Variants in MYEF2 observed in about 807,000 individuals in gnomAD.
The protein encoded by MYEF2 is myelin expression factor 2.
A neutral mutation model predicts 75.2 loss-of-function variants in MYEF2; 37 were observed. The ratio of observed to expected loss-of-function variants is 0.49; its 90% CI spans 0.38 to 0.65. The LOEUF (loss-of-function observed/expected upper bound fraction) is 0.65, where lower values mean the gene tolerates loss of function less well. Among genes scored for constraint, MYEF2 ranks in the 30% least tolerant of loss-of-function variants. The pLI, the probability that MYEF2 is intolerant of heterozygous loss-of-function variation, is 0.00. For missense variants in MYEF2, 634 were observed against 771.4 expected, an observed-to-expected ratio of 0.82 and a Z score of 2.11; for synonymous variants, 195 against 241.6, an observed-to-expected ratio of 0.81 and a Z score of 1.79.
intron 1 of MYEF2, among the ~76,000 whole-genome samples, chr15:48,177,751 G>T (rs1408722141): frequency 3.9e-5 from 6 of 152,190 alleles, no homozygotes; most frequent in Non-Finnish European, 8.8e-5. Context: ...CCTGCAAACC[G>T]TGGCGGTCGC....
rs532246946 is a variant in MYEF2, at chr15:48,137,007, A to G, written c.*5901T>C. On this transcript the variant is annotated 3_prime_UTR_variant, in exon 17 of 17. Coordinates refer to ENST00000324324, the MANE Select transcript of MYEF2 (RefSeq NM_016132.5). Reference sequence around the variant, plus strand: ...CCATTATTAAGTCTATTCGCAAAGGAAAAACTTTAAAATTTCATTTCAATT... The same window carrying G: ...CCATTATTAAGTCTATTCGCAAAGGGAAAACTTTAAAATTTCATTTCAATT... The G allele has an allele frequency of 2.6e-6, 4 of 1,536,558 alleles. No homozygotes were observed. The highest frequency in any genetic ancestry group is 1.4e-5 in the African/African-American group (1 of 72,250).
intron 1 of MYEF2, among the ~76,000 whole-genome samples, chr15:48,177,422 C>T (rs550301106): frequency 3.9e-5 from 6 of 152,168 alleles, no homozygotes; most frequent in African/African-American, 9.6e-5. Flanking sequence ...CCACAGCTGA[C>T]GCACATTACC....
Position 48,151,911 on chromosome 15 carries a change from A to G in MYEF2, c.1170T>C (p.Asn390=). Residue 390 remains asparagine (N), a synonymous_variant, in exon 12 of 17, where the codon AAT becomes AAC. Transcript: ENST00000324324. ...CAACTCCTCCAAATCCTCCCATGCT[A>G]TTCATTGCTTCCAGACCACCAAACC... ...GIGFGGLEAM[N]SMGGFGGVGR... is the part of the protein sequence containing the mutation. The G allele has an allele frequency of 6.2e-7, 1 of 1,613,492 alleles. No individual in the cohort carries two copies. Among genetic ancestry groups the G allele is most frequent in the Non-Finnish European group, 8.5e-7 (1 of 1,179,578 alleles).
At position 48,136,264 on chromosome 15, in the gene MYEF2, C is replaced by T. The variant is rs1400970398; in HGVS notation, c.*6644G>A. The T allele has an allele frequency of 6.6e-6, 1 of 152,594 alleles. No homozygotes were observed. The highest frequency in any genetic ancestry group is 6.6e-5 in the Admixed American group (1 of 15,248). The allele number at this position is 152,594 out of a possible 1,614,324, so 9.5% of individuals were successfully genotyped here. A position where few individuals can be genotyped will look rare whatever the true frequency, so the allele number is the denominator to read the frequency against. On this transcript the variant is annotated 3_prime_UTR_variant, in exon 17 of 17. Transcript: ENST00000324324. ...AACTTGGACAGTTGAAATAACTTAA[C>T]AGTTACTATATTATTTTATAATTAT...
intron 16 of MYEF2, among the ~76,000 whole-genome samples, chr15:48,147,721 A>C (rs934978268): frequency 6.6e-6 from 1 of 151,990 alleles, no homozygotes; most frequent in Non-Finnish European, 1.5e-5. Flanking sequence ...TTCAAAATAA[A>C]AGGATGATCA....
intron 1 of MYEF2, among the ~76,000 whole-genome samples, chr15:48,170,757 T>C (rs1057097497): frequency 6.6e-6 from 1 of 152,190 alleles, no homozygotes; most frequent in Non-Finnish European, 1.5e-5. Flanking sequence ...GCCATAAATA[T>C]AGTATGTAAA....
In MYEF2 at chr15:48,141,133, G is replaced by A. The variant is rs775030415; in HGVS notation, c.*1775C>T. On this transcript the variant is annotated 3_prime_UTR_variant, in exon 17 of 17. Coordinates refer to ENST00000324324, the MANE Select transcript of MYEF2 (RefSeq NM_016132.5). ...TACAGGGGAAACACTAGAAATTCCC[G>A]ATACAGTAATGGGCCTTACTTTATT... 49 of 1,613,116 alleles carry A rather than the reference G, an allele frequency of 3.0e-5. No homozygotes were observed. The highest frequency in any genetic ancestry group is 2.7e-4 in the Admixed American group (16 of 59,974).
intron 2 of MYEF2, among the ~76,000 whole-genome samples, chr15:48,168,258 G>A (rs187318183): frequency 2.9e-4 from 44 of 151,482 alleles, no homozygotes; most frequent in African/African-American, 9.9e-4. Flanking sequence ...AACAGCTTTT[G>A]GAAAAAAAAT....
rs1186464421 is a variant in MYEF2 at position 48,136,938 on chromosome 15, AC to A, written c.*5969del. ...GCTACTCTCAGCTCTCTATAAGTTT[AC>A]ATGGCCTTAGTCAGGTTTCTGAAGG... On this transcript the variant is annotated 3_prime_UTR_variant, in exon 17 of 17. Transcript: ENST00000324324. The A allele has an allele frequency of 6.2e-7, 1 of 1,612,864 alleles. No individual in the cohort carries two copies. The highest frequency in any genetic ancestry group is 1.3e-5 in the African/African-American group (1 of 74,904).
At chr15:48,169,801 T>G (rs988086856) in intron 1 of MYEF2, 2 of 152,204 alleles carry the variant, frequency 1.3e-5, no homozygotes, top group African/African-American at 4.8e-5. Flanking sequence ...TTTCATCATC[T>G]TGGCCAGGCT....
chr15:48,148,611 C>T (rs897216604), intron 16 of MYEF2, among the ~76,000 whole-genome samples: 1 of 151,912 alleles, frequency 6.6e-6, no homozygotes, highest in Non-Finnish European at 1.5e-5. Flanking sequence ...TGGACATCAG[C>T]ATCTCAGTTG....
intron 5 of MYEF2, among the ~76,000 whole-genome samples, chr15:48,160,365 G>A (rs747678803): frequency 2.6e-5 from 4 of 151,936 alleles, no homozygotes; most frequent in African/African-American, 4.8e-5. Context: ...ATCTGAGATG[G>A]AGGAGAGGAG....
intron 9 of MYEF2, among the ~76,000 whole-genome samples, chr15:48,156,627 TA>T (rs1389956355): frequency 1.3e-5 from 2 of 151,736 alleles, no homozygotes; most frequent in African/African-American, 4.8e-5. Flanking sequence ...ATAATTCTGA[TA>T]AAAAATAGCA....
chr15:48,171,682 C>T (rs1241920399), intron 1 of MYEF2, among the ~76,000 whole-genome samples: 1 of 151,916 alleles, frequency 6.6e-6, no homozygotes, highest in Non-Finnish European at 1.5e-5. Flanking sequence ...AGAAACTGAG[C>T]CATAATTATA....
intron 5 of MYEF2, among the ~76,000 whole-genome samples, chr15:48,160,276 T>A (rs974896913): frequency 1.3e-5 from 2 of 152,094 alleles, no homozygotes; most frequent in African/African-American, 4.8e-5. Context: ...GATGGCCGAC[T>A]GTAATCTGTA....
At chr15:48,156,662 A>T (rs2039709074) in intron 9 of MYEF2, among the ~76,000 whole-genome samples, 1 of 151,986 alleles carries the variant, frequency 6.6e-6, no homozygotes, top group African/African-American at 2.4e-5. Context: ...TTAATACACA[A>T]TAACTAAAAA....
At chr15:48,155,067 T>C (rs2039640922) in intron 9 of MYEF2, among the ~76,000 whole-genome samples, 1 of 151,880 alleles carries the variant, frequency 6.6e-6, no homozygotes, top group Non-Finnish European at 1.5e-5. Context: ...ATAATGGAAA[T>C]TAATCCAAAT....
chr15:48,161,665 T>A (rs978411679), intron 5 of MYEF2, among the ~76,000 whole-genome samples: 1 of 151,326 alleles, frequency 6.6e-6, no homozygotes, highest in Non-Finnish European at 1.5e-5. Flanking sequence ...TAACATGATA[T>A]TTAGCATCCA....
chr15:48,176,926 T>G (rs779367430), intron 1 of MYEF2, among the ~76,000 whole-genome samples: 2 of 152,132 alleles, frequency 1.3e-5, no homozygotes, highest in Non-Finnish European at 2.9e-5. Flanking sequence ...CAAACTCATT[T>G]GAGAGCAAGA....
Sources: allele counts gnomAD v4.1 joint callset (sites outside exome capture counted in the v4.1 genomes callset), GRCh38; gene constraint gnomAD v4.1.1; transcripts MANE v1.5; gene names NCBI Gene and HGNC (gene_info 2026-07-23, HGNC 2026-07-21).